The following ELMO1 variants were observed in gnomAD, a reference collection of about 807,000 sequenced individuals.
The protein encoded by ELMO1 is engulfment and cell motility 1.
ELMO1 carries 26 observed loss-of-function variants against 98.9 expected under a neutral mutation model. The ratio of observed to expected loss-of-function variants is 0.26; its 90% CI spans 0.19 to 0.36. The LOEUF is 0.36. Among genes scored for constraint, ELMO1 ranks in the 10% least tolerant of loss-of-function variants. The pLI, the probability that ELMO1 is intolerant of heterozygous loss-of-function variation, is 1.00. For synonymous variants in ELMO1, 346 were observed against 346.0 expected (o/e 1.00, Z 0.00); for missense variants, 627 against 935.2 (o/e 0.67, Z 4.30).
chr7:36,887,339 T>C (rs1415019645), intron 18 of ELMO1, among the ~76,000 whole-genome samples: 1 of 152,228 alleles, frequency 6.6e-6, no homozygotes, highest in African/African-American at 2.4e-5. Context: ...TGGCACTAAA[T>C]AGCAAAGAAT....
chr7:37,186,311 T>C lies in ELMO1; in HGVS notation c.1086+25075A>G, dbSNP rs114094383. Among the ~76,000 whole-genome samples, 1,167 of 152,158 alleles carry C rather than the reference T, an allele frequency of 7.7e-3. 10 individuals are homozygous for C. The highest frequency in any genetic ancestry group is 0.012 in the Non-Finnish European group (804 of 67,980). On this transcript the variant is annotated intron_variant, in intron 13 of 21. Coordinates refer to ENST00000310758, the MANE Select transcript of ELMO1 (RefSeq NM_014800.11). ...TATGCCATACACAATTAACTCAAAA[T>C]GGATCAAAGAACTAAATATAAGGGT...
Position 37,207,587 on chromosome 7 carries a change from T to C in ELMO1, c.1086+3799A>G, listed in dbSNP as rs1217371248. Among the ~76,000 whole-genome samples the C allele has an allele frequency of 2.0e-5, 3 of 152,244 alleles. No homozygotes were observed. The East Asian group carries it at 5.8e-4, about 29-fold the overall frequency. On this transcript the variant is annotated intron_variant, in intron 13 of 21. Transcript: ENST00000310758. ...TAGCATTATCCCAGACAACTCTGTC[T>C]CTTCCCACCAGGGGACCTACAAAGG...
At chr7:37,010,959 G>A (rs1221884874) in intron 16 of ELMO1, among the ~76,000 whole-genome samples, 3 of 152,160 alleles carry the variant, frequency 2.0e-5, no homozygotes, top group Non-Finnish European at 2.9e-5. Flanking sequence ...TCTGATATCT[G>A]CTCTTGCCTG....
intron 1 of ELMO1, among the ~76,000 whole-genome samples, chr7:37,422,091 GT>G (rs907249108): frequency 2.0e-5 from 3 of 152,236 alleles, no homozygotes; most frequent in African/African-American, 4.8e-5. Context: ...TAGCTCTCAT[GT>G]TTAGAACATC....
chr7:37,318,005 G>A (rs1178218309), intron 2 of ELMO1, among the ~76,000 whole-genome samples: 3 of 152,166 alleles, frequency 2.0e-5, no homozygotes, highest in Non-Finnish European at 4.4e-5. Context: ...GGAGAGAAAA[G>A]GAAACCTAGA....
At chr7:37,188,447 CACACGCAA>C (rs781023814) in intron 13 of ELMO1, among the ~76,000 whole-genome samples, 1 of 10,186 alleles carries the variant, frequency 9.8e-5, no homozygotes, top group African/African-American at 4.1e-4. Context: ...CACACACACA[CACACGCAA>C]ACACACACAC....
chr7:37,081,409 T>G (rs1797860055), intron 15 of ELMO1, among the ~76,000 whole-genome samples: 1 of 152,250 alleles, frequency 6.6e-6, no homozygotes, highest in African/African-American at 2.4e-5. Context: ...ATTTTTATAA[T>G]AAAATCACCT....
intron 16 of ELMO1, among the ~76,000 whole-genome samples, chr7:36,964,672 C>T (rs1033638863): frequency 1.3e-5 from 2 of 151,982 alleles, no homozygotes; most frequent in Non-Finnish European, 2.9e-5. Flanking sequence ...TCTACTCTGG[C>T]TTTTAAAATT....
intron 14 of ELMO1, among the ~76,000 whole-genome samples, chr7:37,104,612 C>T (rs376316433): frequency 2.6e-5 from 4 of 152,222 alleles, no homozygotes; most frequent in Non-Finnish European, 4.4e-5. Context: ...TAGAGAGAGG[C>T]GGCCATCCAT....
chr7:37,085,609 C>T (rs1422907735), intron 15 of ELMO1, among the ~76,000 whole-genome samples: 4 of 151,994 alleles, frequency 2.6e-5, no homozygotes, highest in Admixed American at 2.6e-4. Context: ...CATCACGATC[C>T]TACAAGAAAT....
chr7:37,161,396 G>A (rs1789192080), intron 13 of ELMO1, among the ~76,000 whole-genome samples: 1 of 152,004 alleles, frequency 6.6e-6, no homozygotes, highest in Admixed American at 6.6e-5. Flanking sequence ...TGAGACTGTT[G>A]AACTGTACAT....
intron 4 of ELMO1, among the ~76,000 whole-genome samples, chr7:37,286,475 C>T (rs1040735401): frequency 1.3e-5 from 2 of 152,220 alleles, no homozygotes; most frequent in East Asian, 1.9e-4. Context: ...GCCTCCCTTT[C>T]TGCAGTGCCA....
In ELMO1 at chr7:37,061,815, T is replaced by C. The variant is rs1019020955; in HGVS notation, c.1300+34804A>G. Among the ~76,000 whole-genome samples, 7 of 152,360 alleles carry C rather than the reference T, an allele frequency of 4.6e-5. No individual in the cohort carries two copies. The East Asian group carries it at 1.3e-3, about 29-fold the overall frequency. On this transcript the variant is annotated intron_variant, in intron 15 of 21. Transcript: ENST00000310758. ...TTTCTCTATGACTCCGATATTTAGA[T>C]TAATTGCCAACCTAAAAGGTTTCCA...
chr7:36,868,541 T>C (rs1357893682), intron 20 of ELMO1, among the ~76,000 whole-genome samples: 1 of 152,104 alleles, frequency 6.6e-6, no homozygotes, highest in Non-Finnish European at 1.5e-5. Context: ...CAGACGAGGT[T>C]TCACTATGTT....
At chr7:37,231,715 T>C (rs895832568) in intron 8 of ELMO1, among the ~76,000 whole-genome samples, 29 of 152,124 alleles carry the variant, frequency 1.9e-4, no homozygotes, top group African/African-American at 7.0e-4. Context: ...AGAAAGGCAT[T>C]CATAGAAAAA....
intron 1 of ELMO1, among the ~76,000 whole-genome samples, chr7:37,372,152 G>A (rs549016999): frequency 6.6e-6 from 1 of 151,934 alleles, no homozygotes; most frequent in South Asian, 2.1e-4. Flanking sequence ...AGATAGCACA[G>A]TTCCAAAACT....
chr7:37,140,591 C>T (rs918843524), intron 13 of ELMO1, among the ~76,000 whole-genome samples: 1 of 152,162 alleles, frequency 6.6e-6, no homozygotes, highest in South Asian at 2.1e-4. Flanking sequence ...GCAGAGTTAA[C>T]AGACAACACA....
intron 1 of ELMO1, among the ~76,000 whole-genome samples, chr7:37,404,763 T>C (rs546190182): frequency 6.6e-6 from 1 of 152,302 alleles, no homozygotes; most frequent in East Asian, 1.9e-4. Flanking sequence ...TTCCATAGTT[T>C]TCTTTGGGGC....
chr7:37,293,846 T>A (rs1366205525), intron 4 of ELMO1, among the ~76,000 whole-genome samples: 1 of 149,780 alleles, frequency 6.7e-6, no homozygotes, highest in African/African-American at 2.4e-5. Flanking sequence ...GGTTTCACAA[T>A]ATAATTTTAA....
Sources: gnomAD v4.1 joint callset for allele counts (sites outside exome capture counted in the v4.1 genomes callset) on GRCh38, gnomAD v4.1.1 for gene constraint, MANE v1.5 for transcripts, NCBI Gene and HGNC (gene_info 2026-07-23, HGNC 2026-07-21) for gene names.